TNRC6A: variants seen among roughly 807,000 people sequenced by gnomAD.
TNRC6A encodes trinucleotide repeat-containing gene 6A protein.
TNRC6A carries 44 observed loss-of-function variants against 221.2 expected under a neutral mutation model. The ratio of observed to expected loss-of-function variants is 0.20; its 90% confidence interval spans 0.16 to 0.26. The LOEUF (loss-of-function observed/expected upper bound fraction) is 0.26, where lower values mean the gene tolerates loss of function less well. Among genes scored for constraint, TNRC6A ranks in the 10% least tolerant of loss-of-function variants. The probability of loss-of-function intolerance (pLI) is 1.00; values close to 1 mark genes in which losing one functional copy is unlikely to be tolerated. For missense variants in TNRC6A, 2,199 were observed against 2,404.4 expected (o/e 0.91, Z 1.79); for synonymous variants, 847 against 838.5 (o/e 1.01, Z -0.18).
intron 2 of TNRC6A, among the ~76,000 whole-genome samples, chr16:24,688,140 C>A (rs951199995): frequency 6.6e-6 from 1 of 151,214 alleles, no homozygotes; most frequent in African/African-American, 2.4e-5. Context: ...GGGGTTTTAC[C>A]ATGTTAGCCG....
intron 2 of TNRC6A, among the ~76,000 whole-genome samples, chr16:24,720,254 T>G (rs1427682942): frequency 6.6e-6 from 1 of 152,044 alleles, no homozygotes; most frequent in Admixed American, 6.6e-5. Flanking sequence ...TAATAAACAT[T>G]AGCCAGGCAT....
At chr16:24,623,953 G>A (rs1388651833) in intron 1 of TNRC6A, among the ~76,000 whole-genome samples, 1 of 139,740 alleles carries the variant, frequency 7.2e-6, no homozygotes, top group Non-Finnish European at 1.5e-5. Context: ...GATGGCAACA[G>A]CATTAGCATT....
Position 24,809,567 on chromosome 16 carries a change from T to C in TNRC6A, c.4672+86T>C, listed in dbSNP as rs375320154. The C allele has an allele frequency of 4.7e-5, 64 of 1,363,240 alleles. No individual in the cohort carries two copies. In the African/African-American group the frequency reaches 9.2e-4, roughly 20 times the overall value. The allele number at this position is 1,363,240 out of a possible 1,614,324, so 84.4% of individuals were successfully genotyped here. ...ATTTAGGCCTTTATTTTATTTTAAA[T>C]GTGTTTTCAAAGCCAAATTATCTTA... On this transcript the variant is annotated intron_variant, in intron 18 of 24. Transcript: ENST00000395799.
chr16:24,685,686 A>T (rs1475504499), intron 2 of TNRC6A, among the ~76,000 whole-genome samples: 1 of 152,138 alleles, frequency 6.6e-6, no homozygotes, highest in East Asian at 1.9e-4. Flanking sequence ...CACTCTGAAA[A>T]TGTCTTAAAT....
chr16:24,774,796 A>G (rs183191741), intron 4 of TNRC6A, among the ~76,000 whole-genome samples: 52 of 152,290 alleles, frequency 3.4e-4, no homozygotes, highest in African/African-American at 1.1e-3. Flanking sequence ...CCCAACAGAT[A>G]CCAGAATTCA....
At chr16:24,691,100 G>A (rs899301160) in intron 2 of TNRC6A, among the ~76,000 whole-genome samples, 5 of 152,158 alleles carry the variant, frequency 3.3e-5, no homozygotes, top group East Asian at 3.9e-4. Flanking sequence ...CTGAGCCACC[G>A]CACCTGGCCC....
At chr16:24,659,633 G>C (rs1199853189) in intron 2 of TNRC6A, among the ~76,000 whole-genome samples, 3 of 152,016 alleles carry the variant, frequency 2.0e-5, no homozygotes, top group African/African-American at 7.2e-5. Context: ...TGTAGAGACA[G>C]GGTCTTGCTA....
At chr16:24,759,296 T>A (rs1439960247) in intron 4 of TNRC6A, among the ~76,000 whole-genome samples, 1 of 152,134 alleles carries the variant, frequency 6.6e-6, no homozygotes, top group Non-Finnish European at 1.5e-5. Context: ...TGGGTTAATT[T>A]ATGTGCTGTT....
At chr16:24,721,977 G>T (rs1232234320) in intron 2 of TNRC6A, among the ~76,000 whole-genome samples, 2 of 152,174 alleles carry the variant, frequency 1.3e-5, no homozygotes, top group Non-Finnish European at 2.9e-5. Flanking sequence ...CAGAAAAGCG[G>T]TTTCCTGGTG....
Position 24,786,738 on chromosome 16 carries a change from G to C in TNRC6A, c.590-2494G>C, listed in dbSNP as rs545935556. On this transcript the variant is annotated intron_variant, in intron 5 of 24. Transcript: ENST00000395799. ...CACTCTGTTGCCAGGCTGGAGTGCA[G>C]TGGCGCCATCTCGGCTCACGGCAAC... Among the ~76,000 whole-genome samples, 25 of 152,150 alleles carry C rather than the reference G, an allele frequency of 1.6e-4. No individual in the cohort carries two copies. In the South Asian group the frequency reaches 5.2e-3, roughly 32 times the overall value.
At chr16:24,681,236 T>A (rs2055527430) in intron 2 of TNRC6A, among the ~76,000 whole-genome samples, 1 of 152,160 alleles carries the variant, frequency 6.6e-6, no homozygotes, top group South Asian at 2.1e-4. Flanking sequence ...TGTTTTTTGT[T>A]TGTTTGTTTG....
intron 11 of TNRC6A, among the ~76,000 whole-genome samples, chr16:24,800,465 A>G (rs1283283469): frequency 6.6e-6 from 1 of 152,218 alleles, no homozygotes; most frequent in Non-Finnish European, 1.5e-5. Flanking sequence ...CTGCTGTGAC[A>G]TGAGCTCCTC....
intron 1 of TNRC6A, among the ~76,000 whole-genome samples, chr16:24,614,596 C>G (rs1596535130): frequency 6.6e-6 from 1 of 152,272 alleles, no homozygotes; most frequent in Non-Finnish European, 1.5e-5. Context: ...AAGATCTCTT[C>G]TCACGGGATT....
chr16:24,743,547 A>G (rs1369114986), intron 2 of TNRC6A, among the ~76,000 whole-genome samples: 1 of 118,534 alleles, frequency 8.4e-6, no homozygotes, highest in Admixed American at 9.1e-5. Context: ...CTGGTCTCGA[A>G]CTCCTGGGCC....
At chr16:24,618,695 G>A (rs1469053716) in intron 1 of TNRC6A, among the ~76,000 whole-genome samples, 2 of 133,610 alleles carry the variant, frequency 1.5e-5, no homozygotes, top group Non-Finnish European at 3.1e-5. Flanking sequence ...CTGGCATCCC[G>A]GCTGGAGTAC....
exon 1 of TNRC6A, chr16:24,610,273 AT>A (rs1338528644): frequency 6.6e-6 from 1 of 152,422 alleles, no homozygotes; most frequent in East Asian, 1.9e-4. Flanking sequence ...TTCAAAAACA[AT>A]TTAATACAAA....
chr16:24,798,873 G>A (rs1567495456), intron 11 of TNRC6A, among the ~76,000 whole-genome samples: 1 of 152,196 alleles, frequency 6.6e-6, no homozygotes. Context: ...TGGAGTAGCA[G>A]TAGCAGATAC....
chr16:24,610,842 G>T (rs1900015272), intron 1 of TNRC6A, among the ~76,000 whole-genome samples: 1 of 150,880 alleles, frequency 6.6e-6, no homozygotes, highest in Non-Finnish European at 1.5e-5. Context: ...ACAGAATCTC[G>T]CTCCGTCGCC....
chr16:24,640,884 G>C (rs891440415), exon 2 of TNRC6A: 1 of 152,138 alleles, frequency 6.6e-6, no homozygotes, highest in Non-Finnish European at 1.5e-5. Context: ...CCTTTCTCAG[G>C]TGTGAAAACT....
Sources: allele counts gnomAD v4.1 joint callset (sites outside exome capture counted in the v4.1 genomes callset), GRCh38; gene constraint gnomAD v4.1.1; transcripts MANE v1.5; gene names NCBI Gene and HGNC (gene_info 2026-07-23, HGNC 2026-07-21).